The following RNF6 variants were observed in gnomAD, a reference collection of about 807,000 sequenced individuals.
RNF6 encodes E3 ubiquitin-protein ligase RNF6.
A neutral mutation model predicts 50.1 loss-of-function variants in RNF6; 21 were observed. That is an observed-to-expected ratio of 0.42 (90% CI 0.30 to 0.60). The LOEUF is 0.60. RNF6 is among the 20% of genes least tolerant of loss of function. The probability of loss-of-function intolerance (pLI) is 0.20; values close to 1 mark genes in which losing one functional copy is unlikely to be tolerated. For synonymous variants in RNF6, 255 were observed against 291.8 expected, an observed-to-expected ratio of 0.87 and a Z score of 1.29; for missense variants, 698 against 838.2, an observed-to-expected ratio of 0.83 and a Z score of 2.07.
rs1214020709 is a variant in RNF6, at chr13:26,214,269, T to C, written c.1613A>G (p.Gln538Arg). ...NRSQHREGSS[Q>R]DRQAQGDSTE... ...GCTGTCTCCTTGGGCCTGCCTGTCT[T>C]GAGAGGAACCTTCCCTGTGCTGGCT... Residue 538 changes from glutamine to arginine, a missense_variant, in exon 5 of 5, where the codon CAA becomes CGA. Transcript: ENST00000381588. 3.1e-6 allele frequency: 5 copies of C among 1,613,960 alleles called. No homozygotes were observed. In the South Asian group the frequency reaches 3.3e-5, roughly 11 times the overall value.
downstream of RNF6, among the ~76,000 whole-genome samples, chr13:26,211,688 G>A (rs773908010): frequency 1.1e-4 from 16 of 152,222 alleles, no homozygotes; most frequent in Non-Finnish European, 2.2e-4. Context: ...AACCTGTGAG[G>A]CGGAGGTTGC....
At chr13:26,140,183 C>A (rs1196673976) in intron 5 of RNF6, among the ~76,000 whole-genome samples, 2 of 152,152 alleles carry the variant, frequency 1.3e-5, no homozygotes, top group Non-Finnish European at 2.9e-5. Flanking sequence ...AATTTCATTT[C>A]ATTTTCTATT....
chr13:26,195,942 C>T (rs536718432), intron 5 of RNF6, among the ~76,000 whole-genome samples: 4 of 152,040 alleles, frequency 2.6e-5, no homozygotes, highest in Admixed American at 2.0e-4. Flanking sequence ...TGAGATAAAC[C>T]CAAGGTCTAA....
intron 5 of RNF6, among the ~76,000 whole-genome samples, chr13:26,138,124 T>A (rs1047227919): frequency 6.6e-6 from 1 of 152,116 alleles, no homozygotes; most frequent in Non-Finnish European, 1.5e-5. Flanking sequence ...ACTAATCACA[T>A]CTAAGTTACA....
chr13:26,143,892 A>C (rs79224917), intron 5 of RNF6, among the ~76,000 whole-genome samples: 1 of 152,148 alleles, frequency 6.6e-6, no homozygotes. Context: ...ATACTATGAC[A>C]GTGGATAAGG....
At chr13:26,144,929 G>C (rs200317941) in intron 5 of RNF6, 2 of 152,002 alleles carry the variant, frequency 1.3e-5, no homozygotes, top group East Asian at 3.9e-4. Flanking sequence ...TTTATGGCTT[G>C]GTGGGTCCAG....
rs1227556135 is a variant in RNF6 at position 26,149,922 on chromosome 13, A to G, written n.769-17471T>C. ...CACACACAGTGTATATATAATGTGTATATATATATACACAGTGTATATATA... is the reference window on the plus strand; with the variant it reads ...CACACACAGTGTATATATAATGTGTGTATATATATACACAGTGTATATATA... On this transcript the variant is annotated intron_variant and non_coding_transcript_variant, in intron 5 of 5. Coordinates refer to the RNF6 transcript ENST00000468480. Among the ~76,000 whole-genome samples the G allele has an allele frequency of 4.5e-4, 58 of 129,304 alleles. 3 individuals are homozygous for G. The highest frequency in any genetic ancestry group is 7.6e-4 in the Non-Finnish European group (46 of 60,896). The allele number at this position is 129,304 out of a possible 152,430, so 84.8% of individuals were successfully genotyped here.
intron 5 of RNF6, among the ~76,000 whole-genome samples, chr13:26,174,378 C>T (rs574690390): frequency 2.6e-5 from 4 of 151,992 alleles, no homozygotes; most frequent in East Asian, 1.9e-4. Context: ...AGGCTGGGCA[C>T]GGTGGCTCAC....
intron 5 of RNF6, among the ~76,000 whole-genome samples, chr13:26,146,800 T>C (rs1048626669): frequency 1.3e-5 from 2 of 152,194 alleles, no homozygotes; most frequent in African/African-American, 4.8e-5. Flanking sequence ...TTTGGCTCTG[T>C]GCCCACACCC....
At chr13:26,189,154 C>G (rs1023773468) in intron 5 of RNF6, among the ~76,000 whole-genome samples, 47 of 152,168 alleles carry the variant, frequency 3.1e-4, no homozygotes, top group African/African-American at 1.1e-3. Flanking sequence ...CATGGTGAAA[C>G]TATGTCTCTA....
intron 5 of RNF6, among the ~76,000 whole-genome samples, chr13:26,137,223 T>C (rs548136421): frequency 3.3e-5 from 5 of 152,202 alleles, no homozygotes; most frequent in East Asian, 1.9e-4. Flanking sequence ...TTGTTGAAAA[T>C]GTCTACAGAA....
At chr13:26,163,106 C>G (rs1376025137) in intron 5 of RNF6, among the ~76,000 whole-genome samples, 3 of 151,024 alleles carry the variant, frequency 2.0e-5, no homozygotes, top group Non-Finnish European at 4.4e-5. Context: ...GTCAGGAGAT[C>G]GAGACCATCC....
intron 5 of RNF6, among the ~76,000 whole-genome samples, chr13:26,159,908 C>T (rs892991922): frequency 3.3e-5 from 5 of 152,018 alleles, no homozygotes; most frequent in African/African-American, 7.2e-5. Context: ...TTTTACTAAC[C>T]ATGCTTCAAC....
intron 5 of RNF6, among the ~76,000 whole-genome samples, chr13:26,176,754 G>A (rs373333452): frequency 3.3e-5 from 5 of 152,262 alleles, no homozygotes; most frequent in South Asian, 4.2e-4. Flanking sequence ...GCAGGATGGT[G>A]AAACCTGTGA....
In RNF6 at chr13:26,215,357, T is replaced by G; in HGVS notation, c.525A>C (p.Ser175=). 1 of 1,614,240 alleles carries G rather than the reference T, an allele frequency of 6.2e-7. No homozygotes were observed. The highest frequency in any genetic ancestry group is 8.5e-7 in the Non-Finnish European group (1 of 1,180,054). Residue 175 remains serine, a synonymous_variant, in exon 5 of 5, where the codon TCA becomes TCC. Coordinates refer to ENST00000381588, the MANE Select transcript of RNF6 (RefSeq NM_005977.4). ...TTGCAGTATGATCTCTGTTACTATCTGAAAGTGGAATGTCTGTATAATCTT... is the reference window on the plus strand; with the variant it reads ...TTGCAGTATGATCTCTGTTACTATCGGAAAGTGGAATGTCTGTATAATCTT... The part of the protein sequence containing the change: ...HGEDYTDIPL[S]DSNRDHTANR...
rs1870576178 is a variant in RNF6, at chr13:26,222,113, C to G, written c.-212G>C. On this transcript the variant is annotated 5_prime_UTR_variant, in exon 1 of 5. Coordinates refer to ENST00000381588, the MANE Select transcript of RNF6 (RefSeq NM_005977.4). ...GGGAGGCGGGATAGGCTTGCCGCCG[C>G]GCCTCCGGAGCCCGCTGTGCCCTCG... is the stretch of plus-strand genomic sequence containing the variant. 6.6e-6 allele frequency: 1 copy of G among 152,460 alleles called. No individual in the cohort carries two copies. Among genetic ancestry groups the G allele is most frequent in the Non-Finnish European group, 1.5e-5 (1 of 68,228 alleles). The allele number at this position is 152,460 out of a possible 1,614,324, so 9.4% of individuals were successfully genotyped here.
intron 5 of RNF6, among the ~76,000 whole-genome samples, chr13:26,186,012 T>C (rs912952485): frequency 3.9e-5 from 6 of 152,122 alleles, no homozygotes; most frequent in African/African-American, 1.4e-4. Flanking sequence ...AAACTTGCAG[T>C]CTACATAAAC....
At position 26,148,924 on chromosome 13, in the gene RNF6, T is replaced by C. The variant is rs192906802; in HGVS notation, n.769-16473A>G. ...CAATGTCCCAGTTTGAAGGCCAGCATGCAGGAGGAATTCTCTCTTGCTCAG... is the reference window on the plus strand; with the variant it reads ...CAATGTCCCAGTTTGAAGGCCAGCACGCAGGAGGAATTCTCTCTTGCTCAG... On this transcript the variant is annotated intron_variant and non_coding_transcript_variant, in intron 5 of 5. Transcript: ENST00000468480. Among the ~76,000 whole-genome samples the C allele has an allele frequency of 4.0e-3, 602 of 151,868 alleles. 5 individuals are homozygous for C. Among genetic ancestry groups the C allele is most frequent in the Middle Eastern group, 0.027 (8 of 294 alleles).
chr13:26,133,430 TCTC>T (rs1870492120), intron 5 of RNF6, among the ~76,000 whole-genome samples: 1 of 152,330 alleles, frequency 6.6e-6, no homozygotes, highest in South Asian at 2.1e-4. Flanking sequence ...TTCTCTCTCT[TCTC>T]CTTCCAGGAC....
Sources: allele counts gnomAD v4.1 joint callset (sites outside exome capture counted in the v4.1 genomes callset), GRCh38; gene constraint gnomAD v4.1.1; transcripts MANE v1.5; gene names NCBI Gene and HGNC (gene_info 2026-07-23, HGNC 2026-07-21).